Variants in P2RY12 observed in about 807,000 individuals in gnomAD.
P2RY12 encodes the protein purinergic receptor P2Y12.
A neutral mutation model predicts 4.5 loss-of-function variants in P2RY12; 3 were observed. The observed-to-expected ratio is 0.67, with a 90% CI of 0.31 to 1.74. P2RY12 has a LOEUF of 1.74. Ranked by LOEUF, P2RY12 falls within the 40% of genes most tolerant of loss-of-function variation. The probability of loss-of-function intolerance (pLI) is 0.09; values close to 1 mark genes in which losing one functional copy is unlikely to be tolerated. For synonymous variants in P2RY12, 148 were observed against 154.1 expected (o/e 0.96, Z 0.29); for missense variants, 356 against 407.8 (o/e 0.87, Z 1.09).
chr3:151,372,686 T>C, intron 1 of P2RY12: 1 of 1,613,972 alleles, frequency 6.2e-7, no homozygotes, highest in Non-Finnish European at 8.5e-7. Context: ...AAATCCAAAA[T>C]CCTGTGGGAA....
intron 1 of P2RY12, chr3:151,382,750 G>A: frequency 6.2e-7 from 1 of 1,604,762 alleles, no homozygotes; most frequent in East Asian, 2.3e-5. Context: ...AATTTGGTAA[G>A]TGACATTTCT....
chr3:151,360,564 G>A (rs1248835687), intron 1 of P2RY12: 2 of 1,612,818 alleles, frequency 1.2e-6, no homozygotes, highest in South Asian at 1.1e-5. Context: ...ATCTCTATGT[G>A]TCATGTAGCC....
intron 1 of P2RY12, among the ~76,000 whole-genome samples, chr3:151,369,926 T>G (rs1393958180): frequency 6.6e-6 from 1 of 152,150 alleles, no homozygotes; most frequent in Non-Finnish European, 1.5e-5. Flanking sequence ...TTATCCAGAT[T>G]ATATTTCAGG....
chr3:151,367,692 T>G, intron 1 of P2RY12: 1 of 1,612,014 alleles, frequency 6.2e-7, no homozygotes, highest in Non-Finnish European at 8.5e-7. Context: ...TTCATTGCTA[T>G]TCTGATAGCA....
chr3:151,378,864 A>T (rs2108092901), intron 1 of P2RY12, among the ~76,000 whole-genome samples: 1 of 152,358 alleles, frequency 6.6e-6, no homozygotes, highest in East Asian at 1.9e-4. Context: ...CCATTTATTG[A>T]CTGCTTACAG....
chr3:151,376,473 A>G (rs570454045), intron 1 of P2RY12, among the ~76,000 whole-genome samples: 3 of 152,322 alleles, frequency 2.0e-5, no homozygotes, highest in Admixed American at 6.5e-5. Flanking sequence ...GAGAGGGGCT[A>G]TGTTAAATAT....
At chr3:151,375,553 T>A (rs1002942165) in intron 1 of P2RY12, among the ~76,000 whole-genome samples, 4 of 152,146 alleles carry the variant, frequency 2.6e-5, no homozygotes, top group Non-Finnish European at 2.9e-5. Context: ...TACTACTCAT[T>A]TATAATGATA....
In P2RY12 at chr3:151,359,541, A is replaced by G. The variant is rs545104119; in HGVS notation, c.-179-18781T>C. ...CTCCACTTTGCCCTTTCCCCTGAATAGTACAGAGGAGTTTGATCTGGGAGT... is the reference window on the plus strand; with the variant it reads ...CTCCACTTTGCCCTTTCCCCTGAATGGTACAGAGGAGTTTGATCTGGGAGT... On this transcript the variant is annotated intron_variant, in intron 1 of 2. Coordinates refer to ENST00000302632, the MANE Select transcript of P2RY12 (RefSeq NM_022788.5). 8.5e-5 allele frequency among the ~76,000 whole-genome samples: 13 copies of G among 152,210 alleles called. No homozygotes were observed. The South Asian group carries it at 2.5e-3, about 29-fold the overall frequency.
chr3:151,349,616 C>A (rs1752978386), intron 1 of P2RY12, among the ~76,000 whole-genome samples: 1 of 152,002 alleles, frequency 6.6e-6, no homozygotes, highest in African/African-American at 2.4e-5. Flanking sequence ...GTTTGAGGAT[C>A]CTAGCAAGAT....
intron 1 of P2RY12, among the ~76,000 whole-genome samples, chr3:151,342,953 T>A (rs893461038): frequency 1.3e-5 from 2 of 152,194 alleles, no homozygotes; most frequent in African/African-American, 4.8e-5. Flanking sequence ...TGAGGGGAAC[T>A]GAAGAGCAGA....
At chr3:151,357,565 A>G (rs1168323550) in intron 1 of P2RY12, among the ~76,000 whole-genome samples, 1 of 152,156 alleles carries the variant, frequency 6.6e-6, no homozygotes, top group African/African-American at 2.4e-5. Context: ...CTTTCTAATA[A>G]TGTGTGATTC....
chr3:151,337,451 G>A lies in P2RY12; in HGVS notation c.*366C>T. 4.7e-6 allele frequency: 1 copy of A among 214,956 alleles called. No homozygotes were observed. Among genetic ancestry groups the A allele is most frequent in the South Asian group, 6.8e-5 (1 of 14,646 alleles). The allele number at this position is 214,956 out of a possible 1,614,324, so 13.3% of individuals were successfully genotyped here. A position where few individuals can be genotyped will look rare whatever the true frequency, so the allele number is the denominator to read the frequency against. ...ATATCCAATTGATCGTTCTTCCTTA[G>A]TTGATTATGAAAAAATAAAATTGTG... is the stretch of plus-strand genomic sequence containing the variant. On this transcript the variant is annotated 3_prime_UTR_variant, in exon 3 of 3. Coordinates refer to ENST00000302632, the MANE Select transcript of P2RY12 (RefSeq NM_022788.5).
At chr3:151,379,847 T>G (rs1711925066) in intron 1 of P2RY12, among the ~76,000 whole-genome samples, 1 of 152,242 alleles carries the variant, frequency 6.6e-6, no homozygotes, top group Admixed American at 6.5e-5. Flanking sequence ...TCTTCTACCC[T>G]CACTGCCCGG....
In P2RY12 at chr3:151,338,398, C is replaced by G. The variant is rs1159031994; in HGVS notation, c.448G>C (p.Ala150Pro). The G allele has an allele frequency of 4.3e-6, 7 of 1,614,056 alleles. No individual in the cohort carries two copies. Among genetic ancestry groups the G allele is most frequent in the Non-Finnish European group, 5.1e-6 (6 of 1,180,008 alleles). The change falls in exon 3 of 3, where the codon GCA becomes CCA. Residue 150 changes from alanine (A) to proline (P), a missense_variant. Transcript: ENST00000302632. ...GGCAAAGAGAGTAAGAACATGAATG[C>G]CCAGATGACAACAGAGAGAATCTTA... ...GAKILSVVIW[A>P]FMFLLSLPNM...
rs139147070 is a variant in P2RY12, at chr3:151,344,883, T to C, written c.-179-4123A>G. ...GGATAATACACAGCTCTGATCATCT[T>C]ACCATCATTATGACATCTTTGTCAA... is the stretch of plus-strand genomic sequence containing the variant. On this transcript the variant is annotated intron_variant, in intron 1 of 2. Coordinates refer to ENST00000302632, the MANE Select transcript of P2RY12 (RefSeq NM_022788.5). Among the ~76,000 whole-genome samples the C allele has an allele frequency of 6.2e-3, 952 of 152,330 alleles. 13 individuals carry two copies. Among genetic ancestry groups the C allele is most frequent in the African/African-American group, 0.022 (931 of 41,582 alleles).
At chr3:151,376,217 C>G (rs779949276) in intron 1 of P2RY12, 1 of 1,448,556 alleles carries the variant, frequency 6.9e-7, no homozygotes. Context: ...TTCTTCAGGT[C>G]AGTCGTATAC....
intron 1 of P2RY12, among the ~76,000 whole-genome samples, chr3:151,364,587 C>G (rs1415398242): frequency 6.6e-6 from 1 of 152,136 alleles, no homozygotes; most frequent in African/African-American, 2.4e-5. Flanking sequence ...TAAGAGTACT[C>G]TTATGTGTAA....
chr3:151,340,485 G>T (rs1264993951), intron 2 of P2RY12, 111 bp downstream of exon 2: 1 of 152,508 alleles, frequency 6.6e-6, no homozygotes, highest in East Asian at 1.9e-4. Context: ...ATACATGCTT[G>T]CATTGATAGT....
At chr3:151,370,328 C>T (rs913647042) in intron 1 of P2RY12, among the ~76,000 whole-genome samples, 1 of 152,106 alleles carries the variant, frequency 6.6e-6, no homozygotes, top group African/African-American at 2.4e-5. Flanking sequence ...AGTAGCTCCC[C>T]TTCATTAGAA....
Sources: allele counts gnomAD v4.1 joint callset (sites outside exome capture counted in the v4.1 genomes callset), GRCh38; gene constraint gnomAD v4.1.1; transcripts MANE v1.5; gene names NCBI Gene and HGNC (gene_info 2026-07-23, HGNC 2026-07-21).